The following RNF170 variants were observed in gnomAD, a reference collection of about 807,000 sequenced individuals.
RNF170 encodes E3 ubiquitin-protein ligase RNF170.
RNF170 carries 12 observed loss-of-function variants against 32.7 expected under a neutral mutation model. That is an observed-to-expected ratio of 0.37 (90% CI 0.24 to 0.60). The LOEUF is 0.60. Ranked by LOEUF, RNF170 falls within the 20% of genes least tolerant of loss-of-function variation. The pLI, the probability that RNF170 is intolerant of heterozygous loss-of-function variation, is 0.72. For synonymous variants in RNF170, 91 were observed against 103.6 expected (o/e 0.88, Z 0.74); for missense variants, 212 against 311.2 (o/e 0.68, Z 2.40).
Position 42,855,620 on chromosome 8 carries a change from TAATTAATTATACCA to T in RNF170, c.*525_*538del. ...TCTTTCAGTTTCAGCTGATAGCAAATAATTAATTATACCAGAATGAAAAGGCAGAACTGCTCCAA... is the reference window on the plus strand; with the variant it reads ...TCTTTCAGTTTCAGCTGATAGCAAATGAATGAAAAGGCAGAACTGCTCCAA... On this transcript the variant is annotated 3_prime_UTR_variant, in exon 7 of 7. Coordinates refer to ENST00000527424, the MANE Select transcript of RNF170 (RefSeq NM_030954.4). 7.8e-7 allele frequency: 1 copy of T among 1,281,332 alleles called. No individual in the cohort carries two copies. The highest frequency in any genetic ancestry group is 1.0e-6 in the Non-Finnish European group (1 of 983,340). The allele number at this position is 1,281,332 out of a possible 1,614,324, so 79.4% of individuals were successfully genotyped here.
intron 5 of RNF170, among the ~76,000 whole-genome samples, chr8:42,865,007 AG>A (rs1408289763): frequency 1.3e-5 from 2 of 151,706 alleles, no homozygotes; most frequent in Admixed American, 1.3e-4. Context: ...CTGTAATCCC[AG>A]CACCTTTGGA....
chr8:42,865,254 AAAATAAAAAT>A (rs964913608), intron 5 of RNF170, among the ~76,000 whole-genome samples, 152 bp downstream of exon 5: 2 of 149,142 alleles, frequency 1.3e-5, no homozygotes, highest in African/African-American at 5.1e-5. Flanking sequence ...AAAATAAAAA[AAAATAAAAAT>A]AATAATAATA....
intron 6 of RNF170, 104 bp from the exon 7 acceptor site, chr8:42,856,532 G>A (rs1023743787): frequency 5.6e-5 from 46 of 815,788 alleles, no homozygotes; most frequent in Non-Finnish European, 9.1e-5. Context: ...GATGAATTAA[G>A]GAGTTACACA....
At chr8:42,851,269 G>GT (rs1461661289), downstream of RNF170, among the ~76,000 whole-genome samples, 3 of 152,066 alleles carry the variant, frequency 2.0e-5, no homozygotes, top group African/African-American at 4.8e-5. Context: ...GGTTATAAGA[G>GT]TAAGAGAGGA....
At chr8:42,850,634 A>T, downstream of RNF170, 1 of 841,654 alleles carries the variant, frequency 1.2e-6, no homozygotes, top group South Asian at 1.7e-5. Context: ...TCTAGTGAGA[A>T]GCAGACAGAC....
chr8:42,872,266 T>C (rs1804578508), intron 3 of RNF170, among the ~76,000 whole-genome samples: 1 of 152,194 alleles, frequency 6.6e-6, no homozygotes. Context: ...CTAGTGTGAG[T>C]GTTAGCAAAT....
chr8:42,868,125 T>C (rs1361844422), intron 4 of RNF170, among the ~76,000 whole-genome samples: 1 of 152,228 alleles, frequency 6.6e-6, no homozygotes, highest in South Asian at 2.1e-4. Flanking sequence ...TATACTTTGT[T>C]AGCTACTTAA....
At position 42,884,702 on chromosome 8, in the gene RNF170, T is replaced by TC. The variant is rs1805667246; in HGVS notation, c.137+3025dup. On this transcript the variant is annotated intron_variant, in intron 2 of 6. Coordinates refer to ENST00000527424, the MANE Select transcript of RNF170 (RefSeq NM_030954.4). ...TATACAATTGCCTTATTAAATGAAT[T>TC]CTTTTTTTTTTTTCTTTTGAGATGG... Among the ~76,000 whole-genome samples, 3 of 151,294 alleles carry TC rather than the reference T, an allele frequency of 2.0e-5. No homozygotes were observed. In the South Asian group the frequency reaches 6.3e-4, roughly 32 times the overall value.
At position 42,855,615 on chromosome 8, in the gene RNF170, G is replaced by A; in HGVS notation, c.*544C>T. ...TTTCTTCTTTCAGTTTCAGCTGATA[G>A]CAAATAATTAATTATACCAGAATGA... On this transcript the variant is annotated 3_prime_UTR_variant, in exon 7 of 7. Coordinates refer to ENST00000527424, the MANE Select transcript of RNF170 (RefSeq NM_030954.4). 1 of 1,279,660 alleles carries A rather than the reference G, an allele frequency of 7.8e-7. No homozygotes were observed. Among genetic ancestry groups the A allele is most frequent in the Non-Finnish European group, 1.0e-6 (1 of 981,652 alleles). 79.3% of individuals were successfully genotyped at this position (1,279,660 alleles called of 1,614,324 possible). A position where few individuals can be genotyped will look rare whatever the true frequency, so the allele number is the denominator to read the frequency against.
intron 2 of RNF170, among the ~76,000 whole-genome samples, chr8:42,884,461 G>A (rs1215101911): frequency 6.6e-6 from 1 of 151,904 alleles, no homozygotes; most frequent in Non-Finnish European, 1.5e-5. Context: ...TCATCACAAA[G>A]ACAGTTTTAT....
At position 42,887,891 on chromosome 8, in the gene RNF170, G is replaced by C. The variant is rs542366809; in HGVS notation, c.-7-20C>G. ...CCAGGTCTAAAATAAGAAGAAACAAGATGAGAGTTACAAATGACACAGTGA... is the reference window on the plus strand; with the variant it reads ...CCAGGTCTAAAATAAGAAGAAACAACATGAGAGTTACAAATGACACAGTGA... On this transcript the variant is annotated intron_variant, in intron 1 of 6. Transcript: ENST00000527424. 6.2e-7 allele frequency: 1 copy of C among 1,607,036 alleles called. No homozygotes were observed. The highest frequency in any genetic ancestry group is 1.1e-5 in the South Asian group (1 of 90,904).
chr8:42,870,026 G>A lies in RNF170; in HGVS notation c.300C>T (p.Thr100=). Residue 100 remains threonine (T), a synonymous_variant, in exon 4 of 7, where the codon ACC becomes ACT. Coordinates refer to ENST00000527424, the MANE Select transcript of RNF170 (RefSeq NM_030954.4). Reference sequence around the variant, plus strand: ...TACCACAAAAAAGATGTCCACAGTTGGTCTCCACCGGGAAGGAGGCTTGGT... The same window carrying A: ...TACCACAAAAAAGATGTCCACAGTTAGTCTCCACCGGGAAGGAGGCTTGGT... ...CLHQASFPVE[T]NCGHLFCGAC... is the part of the protein sequence containing the mutation. 1 of 1,613,470 alleles carries A rather than the reference G, an allele frequency of 6.2e-7. No individual in the cohort carries two copies. Among genetic ancestry groups the A allele is most frequent in the Non-Finnish European group, 8.5e-7 (1 of 1,179,446 alleles).
rs993388060 is a variant in RNF170 at position 42,862,434 on chromosome 8, A to T, written c.397-579T>A. On this transcript the variant is annotated intron_variant, in intron 5 of 6. Transcript: ENST00000527424. ...ACCCTGCTTCCTTCATGGTTGTGGT[A>T]ACAAGGATGTACAAATGTCCCAGGA... 5.3e-5 allele frequency among the ~76,000 whole-genome samples: 8 copies of T among 152,230 alleles called. 1 individual carries two copies. Among genetic ancestry groups the T allele is most frequent in the Admixed American group, 4.6e-4 (7 of 15,280 alleles).
chr8:42,887,881 G>A lies in RNF170; in HGVS notation c.-7-10C>T. 1.9e-6 allele frequency: 3 copies of A among 1,610,584 alleles called. No individual in the cohort carries two copies. The highest frequency in any genetic ancestry group is 2.5e-6 in the Non-Finnish European group (3 of 1,176,980). On this transcript the variant is annotated splice_polypyrimidine_tract_variant and intron_variant, in intron 1 of 6. Transcript: ENST00000527424. ...TTTGGCCATTCCAGGTCTAAAATAA[G>A]AAGAAACAAGATGAGAGTTACAAAT...
intron 5 of RNF170, 65 bp downstream of exon 5, chr8:42,865,351 C>CA (rs909280183): frequency 1.1e-5 from 14 of 1,311,884 alleles, no homozygotes; most frequent in Non-Finnish European, 1.5e-5. Flanking sequence ...AATGTAGATA[C>CA]AAAAACTATA....
At chr8:42,879,212 T>C (rs74596713) in intron 2 of RNF170, among the ~76,000 whole-genome samples, 1,857 of 152,310 alleles carry the variant, frequency 0.012, 41 homozygotes, top group African/African-American at 0.04. Flanking sequence ...CACAGCCCCA[T>C]AAATCAAGGA....
At chr8:42,880,629 G>C (rs1418052516) in intron 2 of RNF170, among the ~76,000 whole-genome samples, 1 of 152,130 alleles carries the variant, frequency 6.6e-6, no homozygotes, top group Non-Finnish European at 1.5e-5. Context: ...AATTAGCTGG[G>C]CATGGTGGTG....
chr8:42,897,112 G>A, upstream of RNF170: 1 of 1,242,402 alleles, frequency 8.0e-7, no homozygotes, highest in Non-Finnish European at 1.0e-6. Flanking sequence ...GGTAGGCGCT[G>A]CCTGGCCGCG....
rs114673538 is a variant in RNF170 at position 42,858,658 on chromosome 8, T to C, written c.508-2230A>G. 1.9e-3 allele frequency among the ~76,000 whole-genome samples: 286 copies of C among 152,250 alleles called. 1 individual carries two copies. Among genetic ancestry groups the C allele is most frequent in the African/African-American group, 6.7e-3 (277 of 41,554 alleles). ...TTCTCCAAGGAGGGTCTACTTAAGATAGTTGTCATTTAAAGACTGGGAAAT... is the reference window on the plus strand; with the variant it reads ...TTCTCCAAGGAGGGTCTACTTAAGACAGTTGTCATTTAAAGACTGGGAAAT... On this transcript the variant is annotated intron_variant, in intron 6 of 6. Coordinates refer to ENST00000527424, the MANE Select transcript of RNF170 (RefSeq NM_030954.4).
Sources: gnomAD v4.1 joint callset for allele counts (sites outside exome capture counted in the v4.1 genomes callset) on GRCh38, gnomAD v4.1.1 for gene constraint, MANE v1.5 for transcripts, NCBI Gene and HGNC (gene_info 2026-07-23, HGNC 2026-07-21) for gene names.